CLTC: variants seen among roughly 807,000 people sequenced by gnomAD.
The protein encoded by CLTC is clathrin heavy chain, also known as clathrin heavy chain 1.
Under a neutral mutation model 195.8 loss-of-function variants are expected in CLTC, and 16 were observed. The ratio of observed to expected loss-of-function variants is 0.08; its 90% CI spans 0.06 to 0.12. The LOEUF (loss-of-function observed/expected upper bound fraction) is 0.12, where lower values mean the gene tolerates loss of function less well. Ranked by LOEUF, CLTC falls within the 10% of genes least tolerant of loss-of-function variation. The pLI is 1.00. For synonymous variants in CLTC, 667 were observed against 689.4 expected (o/e 0.97, Z 0.51); for missense variants, 796 against 2,027.0 (o/e 0.39, Z 11.66).
rs1273317759 is a variant in CLTC, at chr17:59,648,594, C to T, written c.681+193C>T. ...AAATGAATAATGTTCTTTCACAACT[C>T]GTTCTGTTGGCTGTTTATATTCTTT... is the stretch of plus-strand genomic sequence containing the variant. On this transcript the variant is annotated intron_variant, in intron 4 of 31. Coordinates refer to ENST00000269122, the MANE Select transcript of CLTC (RefSeq NM_004859.4). This position sits in a 1 kb window ranked among gnomAD's most constrained non-coding sequence, Gnocchi z 4.5. The T allele has an allele frequency of 1.5e-5, 8 of 543,120 alleles. No homozygotes were observed. Among genetic ancestry groups the T allele is most frequent in the East Asian group, 8.9e-5 (3 of 33,822 alleles). The allele number at this position is 543,120 out of a possible 1,614,324, so 33.6% of individuals were successfully genotyped here.
chr17:59,664,654 G>T (rs1023155112), intron 9 of CLTC, 133 bp from the exon 10 acceptor site: 2 of 847,318 alleles, frequency 2.4e-6, no homozygotes, highest in African/African-American at 1.7e-5. Flanking sequence ...GTCTAACTGG[G>T]CACCTTAAAT....
intron 6 of CLTC, 182 bp downstream of exon 6, chr17:59,656,209 C>T (rs1038407477): frequency 1.6e-5 from 8 of 506,662 alleles, no homozygotes; most frequent in African/African-American, 4.0e-5. Context: ...TATCAAAGCA[C>T]GATGTAAGCT....
intron 4 of CLTC, among the ~76,000 whole-genome samples, chr17:59,649,707 A>G (rs2032283717): frequency 1.3e-5 from 2 of 152,222 alleles, no homozygotes; most frequent in African/African-American, 4.8e-5. Context: ...GAGAGGAAAC[A>G]GTAAGTAATG....
intron 5 of CLTC, among the ~76,000 whole-genome samples, chr17:59,653,923 C>T (rs2032396841): frequency 6.6e-6 from 1 of 151,946 alleles, no homozygotes; most frequent in Admixed American, 6.6e-5. Context: ...CAGGCACCCG[C>T]CACCACACCT....
Position 59,682,468 on chromosome 17 carries a change from T to C in CLTC, c.3600+40T>C. On this transcript the variant is annotated intron_variant, in intron 22 of 31. Transcript: ENST00000269122. This position sits in a 1 kb window ranked among gnomAD's most constrained non-coding sequence, Gnocchi z 6.8. ...CAGATTTAAGAAAAACTAGTTGGGC[T>C]ACTTGATTAGCTTGGTAGGATCAAA... 2 of 1,611,194 alleles carry C rather than the reference T, an allele frequency of 1.2e-6. No homozygotes were observed. Among genetic ancestry groups the C allele is most frequent in the Non-Finnish European group, 1.7e-6 (2 of 1,177,882 alleles).
In CLTC at chr17:59,666,147, T is replaced by G; in HGVS notation, c.1689T>G (p.Thr563=). The G allele has an allele frequency of 6.2e-7, 1 of 1,612,754 alleles. No individual in the cohort carries two copies. Among genetic ancestry groups the G allele is most frequent in the Non-Finnish European group, 8.5e-7 (1 of 1,178,734 alleles). The change falls in exon 11 of 32, where the codon ACT becomes ACG. Residue 563 remains threonine, a synonymous_variant. Transcript: ENST00000269122. The surrounding 1 kb of genome is among the most constrained non-coding windows in gnomAD (Gnocchi z 4.9). ...FMEYNLIQQC[T]AFLLDALKNN... ...AATACAATCTAATTCAGCAGTGTACTGCATTCTTGCTTGATGCTCTGAAGA... is the reference window on the plus strand; with the variant it reads ...AATACAATCTAATTCAGCAGTGTACGGCATTCTTGCTTGATGCTCTGAAGA...
At chr17:59,655,788 C>A in intron 5 of CLTC, 66 bp from the exon 6 acceptor site, 2 of 1,312,564 alleles carry the variant, frequency 1.5e-6, no homozygotes, top group South Asian at 1.6e-5. Context: ...TGGAATTAGA[C>A]TGAATGTTTT....
intron 2 of CLTC, 58 bp downstream of exon 2, chr17:59,644,541 T>TC: frequency 1.5e-6 from 2 of 1,313,040 alleles, no homozygotes; most frequent in Non-Finnish European, 2.1e-6. Context: ...TTTTTTTTGT[T>TC]TTTTTTTTGT....
intron 18 of CLTC, among the ~76,000 whole-genome samples, chr17:59,680,324 T>TA (rs1244413117): frequency 4.6e-5 from 7 of 152,078 alleles, no homozygotes; most frequent in Non-Finnish European, 1.0e-4. Context: ...GTTTTATACC[T>TA]AAATAAAATA....
In CLTC at chr17:59,693,958, T is replaced by TCATGAAA; in HGVS notation, c.*106_*107insCATGAAA. 8.2e-7 allele frequency: 1 copy of TCATGAAA among 1,214,670 alleles called. No homozygotes were observed. The allele number at this position is 1,214,670 out of a possible 1,614,324, so 75.2% of individuals were successfully genotyped here. A position where few individuals can be genotyped will look rare whatever the true frequency, so the allele number is the denominator to read the frequency against. On this transcript the variant is annotated 3_prime_UTR_variant, in exon 32 of 32. Transcript: ENST00000269122. ...AACAGGCAACGTGTTCTTGTAACCT[T>TCATGAAA]TATTTCATGAAGGACTTCTTTTTGT...
chr17:59,651,423 C>A, intron 5 of CLTC, 107 bp downstream of exon 5: 2 of 789,322 alleles, frequency 2.5e-6, no homozygotes, highest in Non-Finnish European at 4.2e-6. Context: ...TAAAAGAATA[C>A]TTTTTTAAAG....
Position 59,681,516 on chromosome 17 carries a change from C to T in CLTC, c.3249+38C>T. The T allele has an allele frequency of 6.2e-7, 1 of 1,605,960 alleles. No individual in the cohort carries two copies. Among genetic ancestry groups the T allele is most frequent in the Non-Finnish European group, 8.5e-7 (1 of 1,173,816 alleles). On this transcript the variant is annotated intron_variant, in intron 20 of 31. Coordinates refer to ENST00000269122, the MANE Select transcript of CLTC (RefSeq NM_004859.4). This position sits in a 1 kb window ranked among gnomAD's most constrained non-coding sequence, Gnocchi z 5.0. Reference sequence around the variant, plus strand: ...ATTACCTAAGTTGAATTACTAAACACTGTGCTATGAGGGTGGGCCTAATTG... The same window carrying T: ...ATTACCTAAGTTGAATTACTAAACATTGTGCTATGAGGGTGGGCCTAATTG...
intron 1 of CLTC, among the ~76,000 whole-genome samples, chr17:59,643,542 A>G (rs546355670): frequency 1.3e-5 from 2 of 152,282 alleles, no homozygotes; most frequent in Admixed American, 6.5e-5. Context: ...TTACTGAGGT[A>G]TGTTTAGCTT....
At chr17:59,645,961 A>T (rs943109239) in intron 2 of CLTC, 6 of 693,536 alleles carry the variant, frequency 8.7e-6, no homozygotes, top group Non-Finnish European at 1.1e-5. Flanking sequence ...ATTCTTTTCT[A>T]TTTTTAATGT....
rs1221287757 is a variant in CLTC at position 59,695,078 on chromosome 17, A to G, written c.*1226A>G. On this transcript the variant is annotated 3_prime_UTR_variant, in exon 32 of 32. Transcript: ENST00000269122. ...CTTAAATGAACAAATCATGGCTGTT[A>G]TATTAACTTGAAATAAAATATATTT... The G allele has an allele frequency of 2.4e-5, 5 of 206,318 alleles. No homozygotes were observed. The highest frequency in any genetic ancestry group is 5.0e-5 in the Non-Finnish European group (5 of 100,950). The allele number at this position is 206,318 out of a possible 1,614,324, so 12.8% of individuals were successfully genotyped here.
intron 1 of CLTC, among the ~76,000 whole-genome samples, chr17:59,626,695 T>C (rs2031563369): frequency 6.6e-6 from 1 of 152,192 alleles, no homozygotes; most frequent in Non-Finnish European, 1.5e-5. Context: ...AAACCTGTCT[T>C]CTGAGCCACA....
chr17:59,654,001 G>C (rs2032399035), intron 5 of CLTC, among the ~76,000 whole-genome samples: 1 of 151,712 alleles, frequency 6.6e-6, no homozygotes, highest in Non-Finnish European at 1.5e-5. Flanking sequence ...TTGAACTCCT[G>C]ACCTCAAATG....
rs2033157244 is a variant in CLTC at position 59,685,176 on chromosome 17, A to G, written c.4555A>G (p.Asn1519Asp). The G allele has an allele frequency of 6.2e-7, 1 of 1,612,494 alleles. No homozygotes were observed. Reference protein sequence around the residue: ...RIAAYLFKGNNRWKQSVELCK... With the variant: ...RIAAYLFKGNDRWKQSVELCK... ...TGCTGCTTATCTCTTCAAAGGCAAC[A>G]ATCGCTGGAAACAGAGTGTAGAGCT... The change falls in exon 29 of 32, where the codon AAT becomes GAT. Residue 1519 changes from asparagine (N) to aspartate (D), a missense_variant. Asn to Asp is a conservative substitution (Grantham distance 23). Transcript: ENST00000269122. The surrounding 1 kb of genome is among the most constrained non-coding windows in gnomAD (Gnocchi z 5.0).
intron 1 of CLTC, among the ~76,000 whole-genome samples, chr17:59,635,495 C>T (rs926110054): frequency 6.6e-6 from 1 of 152,156 alleles, no homozygotes; most frequent in African/African-American, 2.4e-5. Flanking sequence ...ACCTATTACT[C>T]CTTTAATTAT....
Sources: allele counts gnomAD v4.1 joint callset (sites outside exome capture counted in the v4.1 genomes callset), GRCh38; gene constraint gnomAD v4.1.1; non-coding constraint Gnocchi (gnomAD v3.1); transcripts MANE v1.5; gene names NCBI Gene and HGNC (gene_info 2026-07-23, HGNC 2026-07-21).